SDK1: variants seen among roughly 807,000 people sequenced by gnomAD.
SDK1 encodes protein sidekick-1.
A neutral mutation model predicts 245.5 loss-of-function variants in SDK1; 157 were observed. That is an observed-to-expected ratio of 0.64 (90% CI 0.56 to 0.73). The LOEUF is 0.73. Ranked by LOEUF, SDK1 falls within the 30% of genes least tolerant of loss-of-function variation. The pLI, the probability that SDK1 is intolerant of heterozygous loss-of-function variation, is 0.00. For synonymous variants in SDK1, 1,647 were observed against 1,278.5 expected, an observed-to-expected ratio of 1.29 and a Z score of -6.15; for missense variants, 3,583 against 3,002.3, an observed-to-expected ratio of 1.19 and a Z score of -4.52.
chr7:3,743,319 G>A (rs1779528651), intron 4 of SDK1, among the ~76,000 whole-genome samples: 1 of 152,160 alleles, frequency 6.6e-6, no homozygotes. Context: ...TTGAGACTCG[G>A]GTTCTGTGGC....
intron 7 of SDK1, among the ~76,000 whole-genome samples, chr7:3,952,335 T>G (rs1283144235): frequency 6.6e-6 from 1 of 152,216 alleles, no homozygotes; most frequent in South Asian, 2.1e-4. Flanking sequence ...TCCCAGCACT[T>G]TGGGAGGCCA....
chr7:3,693,004 G>C (rs536393958), intron 4 of SDK1, among the ~76,000 whole-genome samples: 1 of 151,998 alleles, frequency 6.6e-6, no homozygotes, highest in Admixed American at 6.6e-5. Context: ...GTTTTCTGTT[G>C]AGATGATAGC....
intron 1 of SDK1, among the ~76,000 whole-genome samples, chr7:3,461,581 C>A (rs983407479): frequency 2.0e-5 from 3 of 152,132 alleles, no homozygotes; most frequent in Middle Eastern, 3.2e-3. Context: ...TTAGAATCCT[C>A]CGGTCACTTA....
At chr7:3,403,988 G>A (rs932778151) in intron 1 of SDK1, among the ~76,000 whole-genome samples, 7 of 150,040 alleles carry the variant, frequency 4.7e-5, no homozygotes, top group African/African-American at 1.7e-4. Context: ...CAAATTTTGT[G>A]GTTTCCCAGT....
At chr7:3,400,314 A>G (rs1424062402) in intron 1 of SDK1, among the ~76,000 whole-genome samples, 1 of 152,140 alleles carries the variant, frequency 6.6e-6, no homozygotes, top group Non-Finnish European at 1.5e-5. Flanking sequence ...GTTAATTTTC[A>G]GAATTTTCAA....
At chr7:3,379,592 A>G (rs554291857) in intron 1 of SDK1, among the ~76,000 whole-genome samples, 2 of 152,158 alleles carry the variant, frequency 1.3e-5, no homozygotes, top group South Asian at 4.1e-4. Context: ...TTCATTCTGT[A>G]TTTTTCTTCT....
At chr7:4,254,498 T>G (rs1289966334) in intron 44 of SDK1, among the ~76,000 whole-genome samples, 1 of 152,230 alleles carries the variant, frequency 6.6e-6, no homozygotes. Flanking sequence ...TTTATTGATA[T>G]TCTTCAATTG....
At chr7:4,246,394 C>T (rs1786863856) in intron 44 of SDK1, among the ~76,000 whole-genome samples, 1 of 152,154 alleles carries the variant, frequency 6.6e-6, no homozygotes, top group African/African-American at 2.4e-5. Context: ...GTGTGGACTC[C>T]TGCCTCGGAG....
At chr7:3,920,423 T>A (rs1465865690) in intron 5 of SDK1, among the ~76,000 whole-genome samples, 1 of 152,116 alleles carries the variant, frequency 6.6e-6, no homozygotes, top group Non-Finnish European at 1.5e-5. Context: ...GTCAGCGGGA[T>A]TTATGACATG....
At position 3,833,251 on chromosome 7, in the gene SDK1, C is replaced by T. The variant is rs974705441; in HGVS notation, c.847+11668C>T. ...CAGAGCTGACATAAGTCAGTAATGG[C>T]GAGCATCCGGCTGGCCCCGTGCGGT... On this transcript the variant is annotated intron_variant, in intron 5 of 44. Transcript: ENST00000404826. Among the ~76,000 whole-genome samples the T allele has an allele frequency of 3.9e-5, 6 of 152,066 alleles. No individual in the cohort carries two copies. The South Asian group carries it at 8.3e-4, about 21-fold the overall frequency.
intron 4 of SDK1, among the ~76,000 whole-genome samples, chr7:3,674,937 C>A (rs1315979519): frequency 6.6e-6 from 1 of 152,124 alleles, no homozygotes; most frequent in African/African-American, 2.4e-5. Flanking sequence ...GGTATCCTTC[C>A]TGACCCCTGT....
rs112797712 is a variant in SDK1, at chr7:3,524,784, G to C, written c.299-94296G>C. Among the ~76,000 whole-genome samples the C allele has an allele frequency of 3.7e-4, 57 of 152,264 alleles. 1 individual carries two copies. Among genetic ancestry groups the C allele is most frequent in the African/African-American group, 9.9e-4 (41 of 41,542 alleles). On this transcript the variant is annotated intron_variant, in intron 1 of 44. Transcript: ENST00000404826. ...AGGCATTTCGATGTACAAATCTGGA[G>C]TTATACTCTGTAGAGGTCCAGATTA...
At chr7:3,914,268 A>G (rs1303120688) in intron 5 of SDK1, among the ~76,000 whole-genome samples, 1 of 152,098 alleles carries the variant, frequency 6.6e-6, no homozygotes, top group Non-Finnish European at 1.5e-5. Flanking sequence ...TGCTCATCCT[A>G]CGTTATTGTG....
intron 5 of SDK1, among the ~76,000 whole-genome samples, chr7:3,853,233 C>G (rs1397909405): frequency 6.6e-6 from 1 of 152,020 alleles, no homozygotes; most frequent in African/African-American, 2.4e-5. Context: ...GGAAAGTAAC[C>G]TATTGCTCAG....
chr7:3,897,054 A>G (rs1277468331), intron 5 of SDK1, among the ~76,000 whole-genome samples: 2 of 152,064 alleles, frequency 1.3e-5, no homozygotes, highest in African/African-American at 4.8e-5. Flanking sequence ...AAACAACCAG[A>G]TTTCGTGAGA....
intron 5 of SDK1, among the ~76,000 whole-genome samples, chr7:3,901,186 T>A (rs1333568878): frequency 6.6e-6 from 1 of 152,076 alleles, no homozygotes; most frequent in African/African-American, 2.4e-5. Flanking sequence ...GTCTTTTTTT[T>A]TCTTTTTTCT....
chr7:3,578,295 G>A (rs547968854), intron 1 of SDK1, among the ~76,000 whole-genome samples: 3 of 151,854 alleles, frequency 2.0e-5, no homozygotes, highest in Non-Finnish European at 2.9e-5. Flanking sequence ...AAGGGGAGGG[G>A]GTGCAAGAAC....
chr7:3,678,477 C>T (rs368403531), intron 4 of SDK1, among the ~76,000 whole-genome samples: 9 of 152,240 alleles, frequency 5.9e-5, no homozygotes, highest in African/African-American at 1.2e-4. Context: ...ATCACGTGGA[C>T]GAACTTTGAA....
chr7:4,026,541 C>T lies in SDK1; in HGVS notation c.2602+9189C>T, dbSNP rs750496295. 4.6e-5 allele frequency among the ~76,000 whole-genome samples: 7 copies of T among 152,112 alleles called. No individual in the cohort carries two copies. Among genetic ancestry groups the T allele is most frequent in the Non-Finnish European group, 7.4e-5 (5 of 68,026 alleles). On this transcript the variant is annotated intron_variant, in intron 17 of 44. Transcript: ENST00000404826. This position sits in a 1 kb window ranked among gnomAD's most constrained non-coding sequence, Gnocchi z 4.1. ...GCCCCCACCCCAGCCCAAACACTGG[C>T]CCCAAATGCTTCTCTTCAATGCCTG...
Sources: allele counts gnomAD v4.1 joint callset (sites outside exome capture counted in the v4.1 genomes callset), GRCh38; gene constraint gnomAD v4.1.1; non-coding constraint Gnocchi (gnomAD v3.1); transcripts MANE v1.5; gene names NCBI Gene and HGNC (gene_info 2026-07-23, HGNC 2026-07-21).